Variants in CTNNA2 observed in about 807,000 individuals in gnomAD.
CTNNA2 encodes the protein catenin alpha-2.
In CTNNA2, 42 loss-of-function variants were observed where a neutral mutation model predicts 101.0. The ratio of observed to expected loss-of-function variants is 0.42; its 90% CI spans 0.32 to 0.54. The LOEUF (loss-of-function observed/expected upper bound fraction) is 0.54. CTNNA2 is among the 20% of genes least tolerant of loss of function. CTNNA2 has a pLI of 0.14. For synonymous variants in CTNNA2, 450 were observed against 456.4 expected (o/e 0.99, Z 0.18); for missense variants, 871 against 1,223.1 (o/e 0.71, Z 4.29).
At chr2:79,402,708 C>T (rs1187326318) in intron 4 of CTNNA2, among the ~76,000 whole-genome samples, 8 of 151,742 alleles carry the variant, frequency 5.3e-5, no homozygotes, top group Non-Finnish European at 5.9e-5. Flanking sequence ...GCATTTGGAA[C>T]ATTATTCAAC....
intron 7 of CTNNA2, among the ~76,000 whole-genome samples, chr2:79,983,398 A>G (rs1360629482): frequency 1.3e-5 from 2 of 152,298 alleles, no homozygotes; most frequent in East Asian, 3.9e-4. Context: ...ATTTTTATAA[A>G]CACTGTGAAG....
intron 3 of CTNNA2, among the ~76,000 whole-genome samples, chr2:79,368,148 T>C (rs1190238721): frequency 6.6e-6 from 1 of 152,200 alleles, no homozygotes; most frequent in Non-Finnish European, 1.5e-5. Flanking sequence ...ATCATGCACT[T>C]ACCTCAGTTT....
At chr2:80,389,479 G>A (rs541500397) in intron 7 of CTNNA2, among the ~76,000 whole-genome samples, 19 of 151,724 alleles carry the variant, frequency 1.3e-4, no homozygotes, top group Admixed American at 3.3e-4. Flanking sequence ...CTCCCTCTCC[G>A]TCTGTGTCTC....
chr2:80,615,295 A>C (rs1273828910), intron 17 of CTNNA2, among the ~76,000 whole-genome samples: 3 of 151,580 alleles, frequency 2.0e-5, no homozygotes, highest in African/African-American at 7.3e-5. Context: ...AGTCGTTTCT[A>C]ATTTCCAATG....
chr2:80,555,701 A>T lies in CTNNA2; in HGVS notation c.1549A>T (p.Ile517Phe). 6.6e-7 allele frequency: 1 copy of T among 1,523,114 alleles called. No homozygotes were observed. The highest frequency in any genetic ancestry group is 8.8e-7 in the Non-Finnish European group (1 of 1,132,632). 94.3% of individuals were successfully genotyped at this position (1,523,114 alleles called of 1,614,324 possible). ...DDFLSVSENH[I>F]LEDVNKCVIA... ...ATGTGTCCTCTCCATAGAAAATCACATCTTGGAGGATGTGAACAAGTGTGT... is the reference window on the plus strand; with the variant it reads ...ATGTGTCCTCTCCATAGAAAATCACTTCTTGGAGGATGTGAACAAGTGTGT... The change falls in exon 12 of 19, where the codon ATC (isoleucine) becomes TTC (phenylalanine). Residue 517 changes from isoleucine to phenylalanine, a missense_variant. By Grantham distance (21) the Ile-to-Phe change is conservative. Transcript: ENST00000402739.
chr2:80,322,024 A>T (rs1191414369), intron 7 of CTNNA2, among the ~76,000 whole-genome samples: 1 of 152,204 alleles, frequency 6.6e-6, no homozygotes, highest in African/African-American at 2.4e-5. Context: ...AACAGAACAA[A>T]ACATCATTTT....
chr2:80,158,747 T>C (rs1439941090), intron 7 of CTNNA2, among the ~76,000 whole-genome samples: 1 of 152,068 alleles, frequency 6.6e-6, no homozygotes, highest in Non-Finnish European at 1.5e-5. Flanking sequence ...CTGTCTCTAC[T>C]GAAAATACAA....
chr2:80,585,631 A>G (rs1308213540), intron 14 of CTNNA2, among the ~76,000 whole-genome samples: 1 of 152,196 alleles, frequency 6.6e-6, no homozygotes, highest in Non-Finnish European at 1.5e-5. Context: ...ATTTCAATGT[A>G]GCTGGCTTCT....
Position 80,075,776 on chromosome 2 carries a change from T to TA in CTNNA2, c.1056+165983dup, listed in dbSNP as rs551168794. Reference sequence around the variant, plus strand: ...AATATTTATACTTGTATAAATATTATAAAATAATATTTATACATGTATAAA... The same window carrying TA: ...AATATTTATACTTGTATAAATATTATAAAAATAATATTTATACATGTATAAA... On this transcript the variant is annotated intron_variant, in intron 7 of 18. Transcript: ENST00000402739. Among the ~76,000 whole-genome samples, 544 of 134,216 alleles carry TA rather than the reference T, an allele frequency of 4.1e-3. 45 individuals carry two copies. Among genetic ancestry groups the TA allele is most frequent in the African/African-American group, 0.016 (517 of 33,002 alleles). 88.1% of individuals were successfully genotyped at this position (134,216 alleles called of 152,430 possible).
At chr2:79,284,931 T>A (rs909010266) in intron 2 of CTNNA2, among the ~76,000 whole-genome samples, 3 of 128,344 alleles carry the variant, frequency 2.3e-5, no homozygotes, top group Non-Finnish European at 5.0e-5. Context: ...ATTGCCACAA[T>A]TTCAGATCCT....
chr2:80,247,300 A>C (rs974301413), intron 7 of CTNNA2, among the ~76,000 whole-genome samples: 1 of 152,182 alleles, frequency 6.6e-6, no homozygotes, highest in Admixed American at 6.5e-5. Context: ...AATAGCACTC[A>C]TAATAACTGT....
intron 7 of CTNNA2, among the ~76,000 whole-genome samples, chr2:80,234,522 G>A (rs1709439776): frequency 2.0e-5 from 3 of 152,068 alleles, no homozygotes; most frequent in Admixed American, 1.3e-4. Flanking sequence ...CCTCTCAAAG[G>A]TAAAGCAGGG....
At chr2:80,358,023 G>C (rs1462263787) in intron 7 of CTNNA2, among the ~76,000 whole-genome samples, 1 of 152,088 alleles carries the variant, frequency 6.6e-6, no homozygotes, top group Non-Finnish European at 1.5e-5. Flanking sequence ...GGCTCTGTGG[G>C]GGCAGACACT....
intron 7 of CTNNA2, among the ~76,000 whole-genome samples, chr2:80,374,403 G>A (rs1425345140): frequency 1.3e-5 from 2 of 152,096 alleles, no homozygotes; most frequent in Non-Finnish European, 2.9e-5. Flanking sequence ...TTCTTGTTAT[G>A]GCTGTGCAGT....
At chr2:79,270,530 T>G in intron 2 of CTNNA2, among the ~76,000 whole-genome samples, 1 of 152,092 alleles carries the variant, frequency 6.6e-6, no homozygotes, top group East Asian at 1.9e-4. Context: ...TCTACCTTGC[T>G]CTTACATGGC....
intron 3 of CTNNA2, among the ~76,000 whole-genome samples, chr2:79,814,599 ATG>A (rs1352847114): frequency 9.3e-5 from 13 of 140,416 alleles, no homozygotes; most frequent in African/African-American, 2.8e-4. Context: ...TCCATTATAT[ATG>A]TGTGTATACA....
chr2:80,402,322 A>G (rs1678629009), intron 8 of CTNNA2, among the ~76,000 whole-genome samples: 2 of 152,120 alleles, frequency 1.3e-5, no homozygotes, highest in African/African-American at 4.8e-5. Flanking sequence ...GTTTTTATGC[A>G]TTCATAGGCA....
At chr2:80,145,945 C>T (rs546450293) in intron 7 of CTNNA2, among the ~76,000 whole-genome samples, 1 of 152,292 alleles carries the variant, frequency 6.6e-6, no homozygotes, top group African/African-American at 2.4e-5. Context: ...GTCTATTTCC[C>T]CTCTTCTGGA....
chr2:79,305,652 G>C (rs902421256), intron 2 of CTNNA2, among the ~76,000 whole-genome samples: 1 of 151,942 alleles, frequency 6.6e-6, no homozygotes, highest in Non-Finnish European at 1.5e-5. Flanking sequence ...TACCAATGTT[G>C]ACATCTCTCT....
Sources: gnomAD v4.1 joint callset for allele counts (sites outside exome capture counted in the v4.1 genomes callset) on GRCh38, gnomAD v4.1.1 for gene constraint, MANE v1.5 for transcripts, NCBI Gene and HGNC (gene_info 2026-07-23, HGNC 2026-07-21) for gene names.